ACSM1: variants seen among roughly 807,000 people sequenced by gnomAD.
ACSM1 encodes the protein acyl-coenzyme A synthetase ACSM1, mitochondrial.
ACSM1 carries 79 observed loss-of-function variants against 75.8 expected under a neutral mutation model. That is an observed-to-expected ratio of 1.04 (90% CI 0.87 to 1.26). The LOEUF is 1.26. ACSM1 is among the 50% of genes most tolerant of loss of function. The pLI is 0.00. For synonymous variants in ACSM1, 279 were observed against 265.8 expected (o/e 1.05, Z -0.48); for missense variants, 676 against 720.1 (o/e 0.94, Z 0.70).
chr16:20,669,931 C>T lies in ACSM1; in HGVS notation c.808G>A (p.Gly270Arg). 6.2e-7 allele frequency: 1 copy of T among 1,613,970 alleles called. No homozygotes were observed. The highest frequency in any genetic ancestry group is 8.5e-7 in the Non-Finnish European group (1 of 1,179,920). The change falls in exon 6 of 14, where the codon GGA (glycine) becomes AGA (arginine). Residue 270 changes from glycine (G) to arginine (R), a missense_variant. Physicochemically the swap from Gly to Arg is moderately radical, Grantham distance 125. Transcript: ENST00000520010. ...SDVSWCLSDS[G>R]WIVATIWTLV... Reference sequence around the variant, plus strand: ...GTCCAAATGGTAGCCACAATCCATCCTGAGTCCGACAGGCACCAGGAGACA... The same window carrying T: ...GTCCAAATGGTAGCCACAATCCATCTTGAGTCCGACAGGCACCAGGAGACA...
intron 8 of ACSM1, among the ~76,000 whole-genome samples, chr16:20,637,910 CT>C (rs1221963070): frequency 6.6e-6 from 1 of 152,166 alleles, no homozygotes; most frequent in African/African-American, 2.4e-5. Context: ...ACTTTTCCCC[CT>C]GTGTTGGGTG....
At chr16:20,625,337 C>A in intron 12 of ACSM1, 86 bp downstream of exon 12, 1 of 1,335,026 alleles carries the variant, frequency 7.5e-7, no homozygotes, top group South Asian at 1.3e-5. Context: ...TCCACCAAGG[C>A]TGCACAGGTA....
intron 7 of ACSM1, among the ~76,000 whole-genome samples, chr16:20,644,469 G>A (rs556780443): frequency 1.3e-4 from 19 of 151,558 alleles, no homozygotes; most frequent in Non-Finnish European, 2.2e-4. Flanking sequence ...ACATACAGAG[G>A]ACCGACAAGA....
At chr16:20,647,111 C>T (rs1183992716) in intron 7 of ACSM1, among the ~76,000 whole-genome samples, 2 of 152,210 alleles carry the variant, frequency 1.3e-5, no homozygotes, top group Non-Finnish European at 2.9e-5. Flanking sequence ...GGCCTCCTGG[C>T]TACAGACACA....
intron 11 of ACSM1, among the ~76,000 whole-genome samples, chr16:20,626,377 TA>T (rs887116920): frequency 2.6e-5 from 4 of 151,676 alleles, no homozygotes; most frequent in East Asian, 1.9e-4. Context: ...AAAAATAAAA[TA>T]AAAAAATAAA....
Position 20,655,059 on chromosome 16 carries a change from T to G in ACSM1, c.992+6735A>C, listed in dbSNP as rs371295058. ...GTGGCACATATACACCATGGAATAC[T>G]ATGCAGCCATAAAAAATGATGAGTT... On this transcript the variant is annotated intron_variant, in intron 7 of 13. Transcript: ENST00000520010. 3.3e-4 allele frequency among the ~76,000 whole-genome samples: 51 copies of G among 152,252 alleles called. 2 individuals carry two copies. The South Asian group carries it at 0.01, about 31-fold the overall frequency.
intron 7 of ACSM1, among the ~76,000 whole-genome samples, chr16:20,661,047 C>T (rs2019272523): frequency 6.6e-6 from 1 of 152,080 alleles, no homozygotes; most frequent in Admixed American, 6.6e-5. Context: ...ACCCGCAATT[C>T]CTCTCCTTGA....
Position 20,636,735 on chromosome 16 carries a change from T to G in ACSM1, c.1299+4A>C. 6.2e-7 allele frequency: 1 copy of G among 1,612,372 alleles called. No homozygotes were observed. The highest frequency in any genetic ancestry group is 8.5e-7 in the Non-Finnish European group (1 of 1,178,440). ...CAGGATGGGGGCAGATGGGGGGTCA[T>G]TACCTCATAGCACATGAAGAGGCTC... is the stretch of plus-strand genomic sequence containing the variant. On this transcript the variant is annotated splice_donor_region_variant and intron_variant, in intron 10 of 13. Coordinates refer to ENST00000520010, the MANE Select transcript of ACSM1 (RefSeq NM_001318890.3).
intron 2 of ACSM1, among the ~76,000 whole-genome samples, chr16:20,688,871 ATAT>A (rs1181018381): frequency 6.6e-6 from 1 of 151,578 alleles, no homozygotes; most frequent in East Asian, 1.9e-4. Context: ...ATAAAAATCA[ATAT>A]TATTATAAGT....
At chr16:20,662,555 G>C (rs1238706180) in intron 6 of ACSM1, among the ~76,000 whole-genome samples, 1 of 152,162 alleles carries the variant, frequency 6.6e-6, no homozygotes, top group Non-Finnish European at 1.5e-5. Flanking sequence ...GTGAAGAACA[G>C]TAAAGAGAAG....
chr16:20,670,708 A>G (rs1393336029), intron 5 of ACSM1, among the ~76,000 whole-genome samples: 1 of 152,134 alleles, frequency 6.6e-6, no homozygotes, highest in Non-Finnish European at 1.5e-5. Flanking sequence ...CTGTAGTTCT[A>G]TGAATACTAC....
Position 20,669,868 on chromosome 16 carries a change from T to TA in ACSM1, c.870dup (p.Ile291TyrfsTer8), listed in dbSNP as rs1440823626. 9 of 1,613,976 alleles carry TA rather than the reference T, an allele frequency of 5.6e-6. No homozygotes were observed. Among genetic ancestry groups the TA allele is most frequent in the Non-Finnish European group, 7.6e-6 (9 of 1,179,894 alleles). Reference sequence around the variant, plus strand: ...GTGTCAAACTGTGGCAGATGGTGGATAAAGACTGTACAACCCGCTGTCCAT... The same window carrying TA: ...GTGTCAAACTGTGGCAGATGGTGGATAAAAGACTGTACAACCCGCTGTCCAT... On this transcript the variant is annotated frameshift_variant, in exon 6 of 14. Coordinates refer to ENST00000520010, the MANE Select transcript of ACSM1 (RefSeq NM_001318890.3). LOFTEE classifies it high-confidence loss of function.
At chr16:20,636,259 C>T (rs1012630454) in intron 10 of ACSM1, among the ~76,000 whole-genome samples, 1 of 152,138 alleles carries the variant, frequency 6.6e-6, no homozygotes, top group Non-Finnish European at 1.5e-5. Context: ...TCCTTGTAAT[C>T]CATCTCAGTT....
At chr16:20,675,080 T>A (rs2152282032) in intron 4 of ACSM1, among the ~76,000 whole-genome samples, 1 of 152,164 alleles carries the variant, frequency 6.6e-6, no homozygotes, top group South Asian at 2.1e-4. Flanking sequence ...CCACCCCAAC[T>A]GGGAGTGTGT....
In ACSM1 at chr16:20,661,846, A is replaced by T; in HGVS notation, c.940T>A (p.Phe314Ile). ...QTLLKYPINHFWGVSSIYRMI... is the reference protein window; with the variant it reads ...QTLLKYPINHIWGVSSIYRMI... ...CGATATATAGATGATACCCCCCAAA[A>T]GTGGTTAATGGGGTATTTCAACAAT... is the stretch of plus-strand genomic sequence containing the variant. The change falls in exon 7 of 14, where the codon TTT becomes ATT. Residue 314 changes from phenylalanine (F) to isoleucine (I), a missense_variant. By Grantham distance (21) the Phe-to-Ile change is conservative (BLOSUM62 0). Coordinates refer to ENST00000520010, the MANE Select transcript of ACSM1 (RefSeq NM_001318890.3). The T allele has an allele frequency of 6.2e-7, 1 of 1,609,120 alleles. No individual in the cohort carries two copies. The highest frequency in any genetic ancestry group is 8.5e-7 in the Non-Finnish European group (1 of 1,176,456).
chr16:20,666,696 C>T (rs568615544), intron 6 of ACSM1, among the ~76,000 whole-genome samples: 1 of 152,212 alleles, frequency 6.6e-6, no homozygotes, highest in Non-Finnish European at 1.5e-5. Flanking sequence ...ATCACGTTGC[C>T]CAACTTCAAA....
In ACSM1 at chr16:20,666,700, C is replaced by T. The variant is rs953917500; in HGVS notation, c.912+3127G>A. 2.0e-5 allele frequency among the ~76,000 whole-genome samples: 3 copies of T among 152,276 alleles called. No individual in the cohort carries two copies. In the South Asian group the frequency reaches 6.2e-4, roughly 32 times the overall value. ...AAGCTAGAGGCATCACGTTGCCCAACTTCAAACTATGTCATAAGGCTACAG... is the reference window on the plus strand; with the variant it reads ...AAGCTAGAGGCATCACGTTGCCCAATTTCAAACTATGTCATAAGGCTACAG... On this transcript the variant is annotated intron_variant, in intron 6 of 13. Transcript: ENST00000520010.
chr16:20,659,176 T>C (rs941652350), intron 7 of ACSM1, among the ~76,000 whole-genome samples: 3 of 152,160 alleles, frequency 2.0e-5, no homozygotes, highest in African/African-American at 7.2e-5. Flanking sequence ...ATCTCACCCC[T>C]TAAACTCCAG....
chr16:20,642,045 C>A (rs1381774314), intron 7 of ACSM1, among the ~76,000 whole-genome samples: 3 of 152,150 alleles, frequency 2.0e-5, no homozygotes, highest in African/African-American at 7.2e-5. Flanking sequence ...AGCACTTTTG[C>A]CCATGGTTTC....
Sources: allele counts gnomAD v4.1 joint callset (sites outside exome capture counted in the v4.1 genomes callset), GRCh38; gene constraint gnomAD v4.1.1; transcripts MANE v1.5; gene names NCBI Gene and HGNC (gene_info 2026-07-23, HGNC 2026-07-21).